NUSAP1: variants seen among roughly 807,000 people sequenced by gnomAD.
NUSAP1 encodes the protein nucleolar and spindle-associated protein 1.
Under a neutral mutation model 52.8 loss-of-function variants are expected in NUSAP1, and 32 were observed. The observed-to-expected ratio is 0.61, with a 90% CI of 0.46 to 0.81. The LOEUF (loss-of-function observed/expected upper bound fraction) is 0.81, where lower values mean the gene tolerates loss of function less well. NUSAP1 is among the 40% of genes least tolerant of loss of function. The pLI, the probability that NUSAP1 is intolerant of heterozygous loss-of-function variation, is 0.00. For missense variants in NUSAP1, 499 were observed against 522.3 expected, an observed-to-expected ratio of 0.96 and a Z score of 0.43; for synonymous variants, 195 against 183.1, an observed-to-expected ratio of 1.06 and a Z score of -0.52.
intron 1 of NUSAP1, among the ~76,000 whole-genome samples, chr15:41,340,417 CTG>C (rs1397665410): frequency 6.6e-6 from 1 of 152,174 alleles, no homozygotes; most frequent in Non-Finnish European, 1.5e-5. Flanking sequence ...TCTTGGGTAA[CTG>C]TTTCACCTCT....
intron 2 of NUSAP1, among the ~76,000 whole-genome samples, chr15:41,347,984 G>A (rs904687431): frequency 6.6e-6 from 1 of 152,054 alleles, no homozygotes; most frequent in African/African-American, 2.4e-5. Context: ...TAGCTTACGT[G>A]TGGTAACACA....
In NUSAP1 at chr15:41,380,223, C is replaced by A; in HGVS notation, c.*37C>A. 5 of 1,412,562 alleles carry A rather than the reference C, an allele frequency of 3.5e-6. No homozygotes were observed. Among genetic ancestry groups the A allele is most frequent in the Non-Finnish European group, 4.8e-6 (5 of 1,043,862 alleles). 87.5% of individuals were successfully genotyped at this position (1,412,562 alleles called of 1,614,324 possible). On this transcript the variant is annotated 3_prime_UTR_variant, in exon 11 of 11. Transcript: ENST00000559596. ...CATCTTGTAAATATTCCTGTATTCTCAACTTTTTTCCTTTTGTAAATTTTT... is the reference window on the plus strand; with the variant it reads ...CATCTTGTAAATATTCCTGTATTCTAAACTTTTTTCCTTTTGTAAATTTTT...
At chr15:41,342,237 A>G in intron 1 of NUSAP1, 149 bp from the exon 2 acceptor site, 1 of 605,860 alleles carries the variant, frequency 1.7e-6, no homozygotes, top group Non-Finnish European at 2.9e-6. Context: ...GAAATTCCTT[A>G]GAGCAGAGAC....
chr15:41,375,853 A>G (rs900958470), intron 9 of NUSAP1, 25 bp downstream of exon 9: 1 of 1,481,196 alleles, frequency 6.8e-7, no homozygotes, highest in Non-Finnish European at 9.4e-7. Flanking sequence ...TTTGAGCTAC[A>G]GGGCCTGTAA....
chr15:41,358,117 T>C, intron 5 of NUSAP1, 32 bp from the exon 6 acceptor site: 1 of 981,986 alleles, frequency 1.0e-6, no homozygotes, highest in Non-Finnish European at 1.6e-6. Context: ...GGATTTTGTT[T>C]TGTTATTAAT....
chr15:41,358,272 A>C lies in NUSAP1; in HGVS notation c.660+14A>C. 2.5e-6 allele frequency: 3 copies of C among 1,219,664 alleles called. No homozygotes were observed. The highest frequency in any genetic ancestry group is 1.9e-4 in the Middle Eastern group (1 of 5,296). 75.6% of individuals were successfully genotyped at this position (1,219,664 alleles called of 1,614,324 possible). ...AATGAACTGAAGGTATGTAGATAAA[A>C]TTATGTTCTTAATGGAACTAAACTG... On this transcript the variant is annotated intron_variant, in intron 6 of 10. Coordinates refer to ENST00000559596, the MANE Select transcript of NUSAP1 (RefSeq NM_016359.5).
intron 9 of NUSAP1, among the ~76,000 whole-genome samples, chr15:41,376,908 C>A (rs1252466973): frequency 6.6e-6 from 1 of 151,760 alleles, no homozygotes; most frequent in Non-Finnish European, 1.5e-5. Flanking sequence ...AACCCCGTCT[C>A]TACTAAAAAA....
intron 7 of NUSAP1, among the ~76,000 whole-genome samples, chr15:41,370,858 G>A (rs75739059): frequency 0.04 from 6,149 of 152,004 alleles, 242 homozygotes; most frequent in African/African-American, 0.1. Context: ...GGAGGCAGAG[G>A]TTATAGCAAG....
At chr15:41,346,720 G>A (rs892605484) in intron 2 of NUSAP1, among the ~76,000 whole-genome samples, 9 of 151,550 alleles carry the variant, frequency 5.9e-5, no homozygotes, top group Non-Finnish European at 1.0e-4. Flanking sequence ...CCAGCTACTC[G>A]GGAGGCTGAG....
Position 41,380,985 on chromosome 15 carries a change from G to C in NUSAP1, c.*799G>C, listed in dbSNP as rs2050184516. 2.6e-5 allele frequency: 4 copies of C among 152,172 alleles called. No homozygotes were observed. The highest frequency in any genetic ancestry group is 9.7e-5 in the African/African-American group (4 of 41,446). 9.4% of individuals were successfully genotyped at this position (152,172 alleles called of 1,614,324 possible). A position where few individuals can be genotyped will look rare whatever the true frequency, so the allele number is the denominator to read the frequency against. Reference sequence around the variant, plus strand: ...TCATGTCCATGTTTCCTTCACCTCAGTGGAGCTTCTGAGTTTTATACTGCT... The same window carrying C: ...TCATGTCCATGTTTCCTTCACCTCACTGGAGCTTCTGAGTTTTATACTGCT... On this transcript the variant is annotated 3_prime_UTR_variant, in exon 11 of 11. Coordinates refer to ENST00000559596, the MANE Select transcript of NUSAP1 (RefSeq NM_016359.5).
intron 1 of NUSAP1, among the ~76,000 whole-genome samples, chr15:41,336,767 C>T (rs911571660): frequency 6.8e-6 from 1 of 147,504 alleles, no homozygotes; most frequent in African/African-American, 2.6e-5. Context: ...CCACCTCAGC[C>T]TCCTAAGTAG....
At chr15:41,345,011 C>G (rs1407517284) in intron 2 of NUSAP1, among the ~76,000 whole-genome samples, 1 of 151,820 alleles carries the variant, frequency 6.6e-6, no homozygotes. Context: ...ATTTCTCTTA[C>G]TTTTTTTTGA....
At chr15:41,333,963 G>C (rs1375356645) in intron 1 of NUSAP1, among the ~76,000 whole-genome samples, 1 of 152,150 alleles carries the variant, frequency 6.6e-6, no homozygotes, top group Non-Finnish European at 1.5e-5. Flanking sequence ...AAGATTTGGG[G>C]ATTTAATGTA....
At chr15:41,359,678 C>T (rs921125009) in intron 6 of NUSAP1, among the ~76,000 whole-genome samples, 3 of 151,238 alleles carry the variant, frequency 2.0e-5, no homozygotes, top group African/African-American at 7.3e-5. Context: ...GTTGCCCAGA[C>T]TGGAGGGCAA....
chr15:41,356,244 C>G, intron 5 of NUSAP1, 104 bp downstream of exon 5: 1 of 706,810 alleles, frequency 1.4e-6, no homozygotes, highest in Non-Finnish European at 2.5e-6. Flanking sequence ...AGTTTACATT[C>G]TAGTTCTCTC....
chr15:41,353,983 C>A (rs2048869169), intron 4 of NUSAP1, among the ~76,000 whole-genome samples: 1 of 151,218 alleles, frequency 6.6e-6, no homozygotes. Flanking sequence ...CCATTAAGGT[C>A]AAAAAAATAA....
chr15:41,349,112 T>C lies in NUSAP1; in HGVS notation c.177T>C (p.Thr59=). The C allele has an allele frequency of 1.2e-6, 2 of 1,613,868 alleles. No homozygotes were observed. The highest frequency in any genetic ancestry group is 1.7e-6 in the Non-Finnish European group (2 of 1,179,810). Residue 59 remains threonine (T), a synonymous_variant, in exon 3 of 11, where the codon ACT becomes ACC. Coordinates refer to ENST00000559596, the MANE Select transcript of NUSAP1 (RefSeq NM_016359.5). Reference sequence around the variant, plus strand: ...TCTCTTTTCAGGATGAAAGTCAAACTTCTGCATCCTCTTGTGATGAGACTG... The same window carrying C: ...TCTCTTTTCAGGATGAAAGTCAAACCTCTGCATCCTCTTGTGATGAGACTG... ...KGNENQDESQ[T]SASSCDETEI...
chr15:41,378,953 T>G (rs1273901237), intron 10 of NUSAP1, among the ~76,000 whole-genome samples: 1 of 106,400 alleles, frequency 9.4e-6, no homozygotes, highest in Non-Finnish European at 1.9e-5. Flanking sequence ...GGTTTTTTTT[T>G]TTTTTTTTTT....
intron 5 of NUSAP1, 92 bp from the exon 6 acceptor site, chr15:41,358,057 C>A: frequency 3.7e-6 from 2 of 546,662 alleles, no homozygotes; most frequent in South Asian, 3.1e-5. Flanking sequence ...GTCAGGGATG[C>A]AAAGAAGAGA....
Sources: allele counts gnomAD v4.1 joint callset (sites outside exome capture counted in the v4.1 genomes callset), GRCh38; gene constraint gnomAD v4.1.1; transcripts MANE v1.5; gene names NCBI Gene and HGNC (gene_info 2026-07-23, HGNC 2026-07-21).